The following PIGQ variants were observed in gnomAD, a reference collection of about 807,000 sequenced individuals.
PIGQ encodes the protein phosphatidylinositol N-acetylglucosaminyltransferase subunit Q.
PIGQ carries 54 observed loss-of-function variants against 60.3 expected under a neutral mutation model. The observed-to-expected ratio is 0.90, with a 90% CI of 0.72 to 1.12. The LOEUF is 1.12. Among genes scored for constraint, PIGQ ranks in the 50% most tolerant of loss-of-function variants. The pLI, the probability that PIGQ is intolerant of heterozygous loss-of-function variation, is 0.00. For missense variants in PIGQ, 799 were observed against 793.5 expected (o/e 1.01, Z -0.08); for synonymous variants, 416 against 363.7 (o/e 1.14, Z -1.64).
chr16:577,696 T>C (rs547720193), intron 4 of PIGQ, among the ~76,000 whole-genome samples: 9 of 152,272 alleles, frequency 5.9e-5, no homozygotes, highest in African/African-American at 1.9e-4. Flanking sequence ...AAGGTGTCAC[T>C]CACTGTCTCC....
intron 7 of PIGQ, 155 bp downstream of exon 7, chr16:579,335 G>A (rs1436905933): frequency 1.6e-6 from 1 of 629,856 alleles, no homozygotes; most frequent in East Asian, 2.7e-5. Context: ...CTGCGGTGTG[G>A]GCTGCACGTG....
chr16:578,668 G>A (rs74428384), intron 5 of PIGQ, 117 bp from the exon 6 acceptor site: 10 of 1,443,324 alleles, frequency 6.9e-6, no homozygotes, highest in South Asian at 6.3e-5. Context: ...GGCACCTCCC[G>A]AGGGCTGACC....
chr16:572,637 T>C (rs1310357204), intron 1 of PIGQ: 1 of 455,584 alleles, frequency 2.2e-6, no homozygotes, highest in Non-Finnish European at 4.4e-6. Context: ...TGGTGGGCTC[T>C]GAGACCTCCA....
At chr16:578,694 A>G in intron 5 of PIGQ, 91 bp from the exon 6 acceptor site, 5 of 1,506,990 alleles carry the variant, frequency 3.3e-6, no homozygotes, top group Non-Finnish European at 2.7e-6. Context: ...CTGCCAGGCT[A>G]CACGCACCTC....
chr16:579,283 C>A (rs2035774818), intron 7 of PIGQ, 103 bp downstream of exon 7: 3 of 872,938 alleles, frequency 3.4e-6, no homozygotes, highest in South Asian at 2.9e-5. Flanking sequence ...CTGCTCCCGT[C>A]CTGCAGCTGA....
At chr16:582,440 T>C (rs1055658057) in intron 10 of PIGQ, 131 bp downstream of exon 10, 1 of 690,200 alleles carries the variant, frequency 1.4e-6, no homozygotes, top group Non-Finnish European at 2.4e-6. Flanking sequence ...CCAGTGGAGC[T>C]GAGGGGGAAG....
In PIGQ at chr16:574,754, G is replaced by A; in HGVS notation, c.680G>A (p.Ser227Asn). The A allele has an allele frequency of 1.9e-6, 3 of 1,568,554 alleles. No individual in the cohort carries two copies. The highest frequency in any genetic ancestry group is 2.6e-6 in the Non-Finnish European group (3 of 1,162,014). ...ASLLSLVSAV[S>N]ACRVFKLWPL... ...CTGCTGTCGCTGGTCTCAGCTGTCA[G>A]TGCCTGCCGGTAGGTGTCCCGGGAC... is the stretch of plus-strand genomic sequence containing the variant. The change falls in exon 2 of 11, where the codon AGT (serine) becomes AAT (asparagine). Residue 227 changes from serine (S) to asparagine (N), a missense_variant. Ser to Asn is a conservative substitution (Grantham distance 46). Transcript: ENST00000321878.
chr16:573,490 G>A (rs1349894467), intron 1 of PIGQ, among the ~76,000 whole-genome samples: 2 of 152,182 alleles, frequency 1.3e-5, no homozygotes, highest in East Asian at 3.9e-4. Context: ...GTGGGAGGCA[G>A]GGACCTTCTG....
chr16:577,985 G>C (rs1277833423), intron 4 of PIGQ: 1 of 197,392 alleles, frequency 5.1e-6, no homozygotes, highest in Non-Finnish European at 1.1e-5. Context: ...TGTCAGCTGT[G>C]GGCTTCCCTG....
Position 574,471 on chromosome 16 carries a change from C to T in PIGQ, c.397C>T (p.Gln133Ter). 1 of 1,610,564 alleles carries T rather than the reference C, an allele frequency of 6.2e-7. No individual in the cohort carries two copies. Among genetic ancestry groups the T allele is most frequent in the Non-Finnish European group, 8.5e-7 (1 of 1,179,106 alleles). The change falls in exon 2 of 11, where the codon CAG (glutamine) becomes TAG (stop). Residue 133 changes from glutamine (Q) to a stop codon, truncating the protein, a stop_gained. Coordinates refer to ENST00000321878, the MANE Select transcript of PIGQ (RefSeq NM_004204.5). LOFTEE classifies it high-confidence loss of function. ...EDQVMLIFYD[Q>*]RQVLLSQLHL... is the part of the protein sequence containing the mutation. The stretch of plus-strand genomic sequence containing the variant: ...CCAGGTCATGCTCATCTTCTATGAC[C>T]AGCGCCAGGTGTTGCTGTCACAGCT...
Position 582,236 on chromosome 16 carries a change from CTATCCT to C in PIGQ, c.1532-10_1532-5del. The C allele has an allele frequency of 6.3e-7, 1 of 1,577,282 alleles. No individual in the cohort carries two copies. The highest frequency in any genetic ancestry group is 8.7e-7 in the Non-Finnish European group (1 of 1,155,898). ...CACGCGTCCCCTCGTCAGCCGCTTG[CTATCCT>C]TGCAGCTGGCGTGAAGTTCCGTGTC... On this transcript the variant is annotated splice_polypyrimidine_tract_variant and splice_region_variant and intron_variant, in intron 9 of 10. Coordinates refer to ENST00000321878, the MANE Select transcript of PIGQ (RefSeq NM_004204.5).
rs775553398 is a variant in PIGQ at position 583,414 on chromosome 16, G to T, written c.*379G>T. The T allele has an allele frequency of 6.2e-7, 1 of 1,612,770 alleles. No individual in the cohort carries two copies. The highest frequency in any genetic ancestry group is 1.7e-5 in the Admixed American group (1 of 60,024). On this transcript the variant is annotated 3_prime_UTR_variant, in exon 11 of 11. Coordinates refer to ENST00000321878, the MANE Select transcript of PIGQ (RefSeq NM_004204.5). The stretch of plus-strand genomic sequence containing the variant: ...CCCCAGGTGGAGGGCTGGTCTCCCT[G>T]GGGGCTCCCCAGTGGCTCTGCCCTG...
In PIGQ at chr16:583,356, A is replaced by G; in HGVS notation, c.*321A>G. The G allele has an allele frequency of 6.2e-7, 1 of 1,612,000 alleles. No homozygotes were observed. The highest frequency in any genetic ancestry group is 1.1e-5 in the South Asian group (1 of 90,956). Reference sequence around the variant, plus strand: ...GCACTGCCCCATGCCCACCCTGTGTACCCAGGTCCAGAGGGTCCGTCCACC... The same window carrying G: ...GCACTGCCCCATGCCCACCCTGTGTGCCCAGGTCCAGAGGGTCCGTCCACC... On this transcript the variant is annotated 3_prime_UTR_variant, in exon 11 of 11. Transcript: ENST00000321878.
rs924956974 is a variant in PIGQ, at chr16:575,898, T to C, written c.749T>C (p.Leu250Pro). Residue 250 changes from leucine to proline, a missense_variant, in exon 3 of 11, where the codon CTC becomes CCC. Transcript: ENST00000321878. ...LGSKLSTCEQ[L>P]RHRLEHLTLI... Reference sequence around the variant, plus strand: ...AGCAAACTCTCCACGTGCGAACAGCTCCGGCACCGGCTGGAGCACCTCACG... The same window carrying C: ...AGCAAACTCTCCACGTGCGAACAGCCCCGGCACCGGCTGGAGCACCTCACG... The C allele has an allele frequency of 6.3e-7, 1 of 1,577,240 alleles. No homozygotes were observed. Among genetic ancestry groups the C allele is most frequent in the African/African-American group, 1.3e-5 (1 of 74,312 alleles).
rs575409387 is a variant in PIGQ, at chr16:583,900, G to A, written c.*865G>A. The A allele has an allele frequency of 1.9e-4, 103 of 534,838 alleles. No homozygotes were observed. The highest frequency in any genetic ancestry group is 1.4e-3 in the Middle Eastern group (3 of 2,084). 33.1% of individuals were successfully genotyped at this position (534,838 alleles called of 1,614,324 possible). ...CTGAGGCCGAAAGTGCCTGCCAGAC[G>A]GCACGGTCTGGGTGCGGGTGTTCCC... On this transcript the variant is annotated 3_prime_UTR_variant, in exon 11 of 11. Coordinates refer to ENST00000321878, the MANE Select transcript of PIGQ (RefSeq NM_004204.5).
chr16:579,021 C>A, intron 6 of PIGQ, 48 bp from the exon 7 acceptor site: 2 of 218,380 alleles, frequency 9.2e-6, no homozygotes, highest in Non-Finnish European at 6.6e-6. Context: ...GGGGCGGGGG[C>A]GGGGCGGGGC....
intron 9 of PIGQ, 95 bp downstream of exon 9, chr16:581,067 C>T (rs1243250583): frequency 1.5e-6 from 2 of 1,330,764 alleles, no homozygotes; most frequent in East Asian, 2.3e-5. Flanking sequence ...GGCCACTGTG[C>T]CTCCAGCCTG....
rs749547005 is a variant in PIGQ, at chr16:583,585, A to C, written c.*550A>C. On this transcript the variant is annotated 3_prime_UTR_variant, in exon 11 of 11. Transcript: ENST00000321878. ...AGCGGGCCCGGGCCCTCACTCCCTG[A>C]ACCACACGGGGTTTATTTGCGGATG... 3 of 1,612,730 alleles carry C rather than the reference A, an allele frequency of 1.9e-6. No individual in the cohort carries two copies. In the South Asian group the frequency reaches 3.3e-5, roughly 18 times the overall value.
chr16:583,351 T>G lies in PIGQ; in HGVS notation c.*316T>G, dbSNP rs1290124749. Reference sequence around the variant, plus strand: ...CCAGAGCACTGCCCCATGCCCACCCTGTGTACCCAGGTCCAGAGGGTCCGT... The same window carrying G: ...CCAGAGCACTGCCCCATGCCCACCCGGTGTACCCAGGTCCAGAGGGTCCGT... On this transcript the variant is annotated 3_prime_UTR_variant, in exon 11 of 11. Coordinates refer to ENST00000321878, the MANE Select transcript of PIGQ (RefSeq NM_004204.5). 4 of 1,612,540 alleles carry G rather than the reference T, an allele frequency of 2.5e-6. No individual in the cohort carries two copies. In the South Asian group the frequency reaches 3.3e-5, roughly 13 times the overall value.
Sources: gnomAD v4.1 joint callset for allele counts (sites outside exome capture counted in the v4.1 genomes callset) on GRCh38, gnomAD v4.1.1 for gene constraint, MANE v1.5 for transcripts, NCBI Gene and HGNC (gene_info 2026-07-23, HGNC 2026-07-21) for gene names.